Variants in NOC4L observed in about 807,000 individuals in gnomAD.
NOC4L encodes the protein nucleolar complex protein 4 homolog.
In NOC4L, 40 loss-of-function variants were observed where a neutral mutation model predicts 62.8. That is an observed-to-expected ratio of 0.64 (90% CI 0.49 to 0.83). NOC4L has a LOEUF of 0.83. Ranked by LOEUF, NOC4L falls within the 40% of genes least tolerant of loss-of-function variation. The probability of loss-of-function intolerance (pLI) is 0.00; values close to 1 mark genes in which losing one functional copy is unlikely to be tolerated. For synonymous variants in NOC4L, 433 were observed against 299.8 expected (o/e 1.44, Z -4.59); for missense variants, 927 against 701.9 (o/e 1.32, Z -3.62).
chr12:132,148,508 G>A (rs998065156), intron 7 of NOC4L, 101 bp from the exon 8 acceptor site: 9 of 1,286,928 alleles, frequency 7.0e-6, no homozygotes, highest in African/African-American at 2.9e-5. Flanking sequence ...TGGAGAGCAG[G>A]CTTGTGTTGG....
intron 1 of NOC4L, 27 bp downstream of exon 1, chr12:132,144,632 G>C (rs1273924015): frequency 9.5e-6 from 14 of 1,479,462 alleles, no homozygotes; most frequent in Non-Finnish European, 1.2e-5. Flanking sequence ...CGCAGGGCCG[G>C]AGTCGCGGCA....
Position 132,151,476 on chromosome 12 carries a change from C to T in NOC4L, c.1074-8C>T. ...CGGGCCCTGTCTCACAACCACTGCCCTGCCCAGCCACCTCCCCGCCTACCT... is the reference window on the plus strand; with the variant it reads ...CGGGCCCTGTCTCACAACCACTGCCTTGCCCAGCCACCTCCCCGCCTACCT... On this transcript the variant is annotated splice_region_variant and splice_polypyrimidine_tract_variant and intron_variant, in intron 11 of 14. Coordinates refer to ENST00000330579, the MANE Select transcript of NOC4L (RefSeq NM_024078.3). 5 of 1,600,866 alleles carry T rather than the reference C, an allele frequency of 3.1e-6. No homozygotes were observed. Among genetic ancestry groups the T allele is most frequent in the East Asian group, 2.2e-5 (1 of 44,844 alleles).
Position 132,151,786 on chromosome 12 carries a change from G to A in NOC4L, c.1283G>A (p.Ser428Asn). Residue 428 changes from serine (S) to asparagine (N), a missense_variant, in exon 13 of 15, where the codon AGC becomes AAC. Physicochemically the swap from Ser to Asn is conservative, Grantham distance 46 (BLOSUM62 1). Transcript: ENST00000330579. ...CCTGGAGAGGAGGACCCAGCCCAGA[G>A]CCGGGCCTTGGAGAGCTCCCTGTGG... ...YDPGEEDPAQSRALESSLWEL... is the reference protein window; with the variant it reads ...YDPGEEDPAQNRALESSLWEL... 13 of 1,612,292 alleles carry A rather than the reference G, an allele frequency of 8.1e-6. No homozygotes were observed. The highest frequency in any genetic ancestry group is 1.1e-5 in the South Asian group (1 of 91,078).
intron 2 of NOC4L, 108 bp downstream of exon 2, chr12:132,145,082 G>T: frequency 7.0e-7 from 1 of 1,424,382 alleles, no homozygotes; most frequent in Non-Finnish European, 9.3e-7. Context: ...CGTGCAGGCT[G>T]GTGGGAGGAC....
At position 132,151,816 on chromosome 12, in the gene NOC4L, T is replaced by C; in HGVS notation, c.1313T>C (p.Leu438Pro). The C allele has an allele frequency of 6.2e-7, 1 of 1,611,330 alleles. No individual in the cohort carries two copies. The highest frequency in any genetic ancestry group is 8.5e-7 in the Non-Finnish European group (1 of 1,179,384). ...SRALESSLWE[L>P]QALQRHYHPE... ...GCCTTGGAGAGCTCCCTGTGGGAGC[T>C]TCAGGTGAGGGCGCTGCTGCCACAC... The change falls in exon 13 of 15, where the codon CTT becomes CCT. Residue 438 changes from leucine to proline, a missense_variant. Coordinates refer to ENST00000330579, the MANE Select transcript of NOC4L (RefSeq NM_024078.3).
chr12:132,150,801 C>G (rs980036783), intron 9 of NOC4L, 180 bp from the exon 10 acceptor site: 10 of 610,626 alleles, frequency 1.6e-5, no homozygotes, highest in Non-Finnish European at 2.6e-5. Context: ...TCCCCGATCC[C>G]ACTGCCTCCA....
chr12:132,145,100 G>T (rs2136684489), intron 2 of NOC4L, 126 bp downstream of exon 2: 12 of 1,326,006 alleles, frequency 9.0e-6, no homozygotes, highest in Non-Finnish European at 5.0e-6. Context: ...GACGCACCAA[G>T]CCCACCGTGG....
chr12:132,148,198 A>G, intron 7 of NOC4L, 92 bp downstream of exon 7: 3 of 1,289,182 alleles, frequency 2.3e-6, no homozygotes, highest in South Asian at 1.3e-5. Context: ...CGCCTTCCTC[A>G]CCAGAGGAAA....
In NOC4L at chr12:132,151,658, C is replaced by T. The variant is rs753002801; in HGVS notation, c.1234+14C>T. The T allele has an allele frequency of 1.2e-6, 2 of 1,611,364 alleles. No individual in the cohort carries two copies. The highest frequency in any genetic ancestry group is 1.7e-6 in the Non-Finnish European group (2 of 1,179,200). ...CACACGGCCCTGGTGAGTTGCGGGG[C>T]CCTCGGAGGCTGGGCTGGAGCTGGG... On this transcript the variant is annotated intron_variant, in intron 12 of 14. Transcript: ENST00000330579.
chr12:132,152,383 G>A lies in NOC4L; in HGVS notation c.1533G>A (p.Gln511=). 1 of 1,580,238 alleles carries A rather than the reference G, an allele frequency of 6.3e-7. No homozygotes were observed. Among genetic ancestry groups the A allele is most frequent in the Non-Finnish European group, 8.6e-7 (1 of 1,162,008 alleles). ...GACGGCCGGGTGAACTCTGTGCCCA[G>A]CACTTCACGCTCAGCTGACCCTGGC... ...LLGRPGELCA[Q]HFTLS Residue 511 remains glutamine (Q), a synonymous_variant, in exon 15 of 15, where the codon CAG becomes CAA. Coordinates refer to ENST00000330579, the MANE Select transcript of NOC4L (RefSeq NM_024078.3).
rs1253635034 is a variant in NOC4L at position 132,147,685 on chromosome 12, C to T, written c.506C>T (p.Ser169Phe). 8 of 1,612,816 alleles carry T rather than the reference C, an allele frequency of 5.0e-6. No individual in the cohort carries two copies. The highest frequency in any genetic ancestry group is 1.3e-5 in the African/African-American group (1 of 74,910). ...GAGGAGGACCAGAGCCTGCTCCTGT[C>T]CCAGTTCCGGGAGTACCTGGACTAC... ...SPEEDQSLLL[S>F]QFREYLDYDD... Residue 169 changes from serine (S) to phenylalanine (F), a missense_variant, in exon 5 of 15, where the codon TCC becomes TTC. Physicochemically the swap from Ser to Phe is radical, Grantham distance 155. Transcript: ENST00000330579.
intron 3 of NOC4L, chr12:132,146,438 A>G (rs1436493548): frequency 4.5e-6 from 2 of 440,468 alleles, no homozygotes; most frequent in African/African-American, 4.0e-5. Flanking sequence ...GTTCGCGTAC[A>G]AACTCTTGTG....
rs374210467 is a variant in NOC4L, at chr12:132,151,623, G to A, written c.1213G>A (p.Val405Met). 6.6e-5 allele frequency: 107 copies of A among 1,611,706 alleles called. No individual in the cohort carries two copies. Among genetic ancestry groups the A allele is most frequent in the African/African-American group, 4.5e-4 (34 of 75,038 alleles). ...LRRHPACRVL[V>M]HRPHGPELDA... is the part of the protein sequence containing the mutation. ...CCGGCACCCTGCCTGCCGGGTCCTC[G>A]TGCACCGTCCACACGGCCCTGGTGA... Residue 405 changes from valine to methionine, a missense_variant, in exon 12 of 15, where the codon GTG (valine) becomes ATG (methionine). Transcript: ENST00000330579.
intron 3 of NOC4L, chr12:132,146,248 C>T (rs756574847): frequency 1.5e-5 from 7 of 455,920 alleles, no homozygotes; most frequent in Non-Finnish European, 2.6e-5. Flanking sequence ...AGACGCTCCT[C>T]ATAAGGGGGA....
rs752390595 is a variant in NOC4L, at chr12:132,151,542, A to G, written c.1132A>G (p.Thr378Ala). 14 of 1,608,752 alleles carry G rather than the reference A, an allele frequency of 8.7e-6. No homozygotes were observed. The highest frequency in any genetic ancestry group is 1.2e-5 in the Non-Finnish European group (14 of 1,179,120). Residue 378 changes from threonine to alanine, a missense_variant, in exon 12 of 15, where the codon ACG (threonine) becomes GCG (alanine). Coordinates refer to ENST00000330579, the MANE Select transcript of NOC4L (RefSeq NM_024078.3). ...FAKRLARLAL[T>A]APPEALLMVL... Reference sequence around the variant, plus strand: ...CAAGCGGCTGGCCCGCCTGGCCCTGACGGCTCCCCCTGAGGCCCTGCTCAT... The same window carrying G: ...CAAGCGGCTGGCCCGCCTGGCCCTGGCGGCTCCCCCTGAGGCCCTGCTCAT...
intron 8 of NOC4L, 49 bp from the exon 9 acceptor site, chr12:132,148,735 C>CCCCCGGGGGGGG: frequency 7.6e-7 from 1 of 1,309,286 alleles, no homozygotes; most frequent in Non-Finnish European, 1.0e-6. Flanking sequence ...CCCGACCCGC[C>CCCCCGGGGGGGG]GGCCCCCGCC....
chr12:132,148,735 C>CCG, intron 8 of NOC4L, 49 bp from the exon 9 acceptor site: 10 of 1,309,264 alleles, frequency 7.6e-6, no homozygotes, highest in African/African-American at 1.6e-5. Flanking sequence ...CCCGACCCGC[C>CCG]GGCCCCCGCC....
Position 132,148,793 on chromosome 12 carries a change from A to G in NOC4L, c.799A>G (p.Ser267Gly), listed in dbSNP as rs752657940. 1.4e-6 allele frequency: 2 copies of G among 1,418,566 alleles called. No homozygotes were observed. Among genetic ancestry groups the G allele is most frequent in the East Asian group, 3.0e-5 (1 of 33,374 alleles). The allele number at this position is 1,418,566 out of a possible 1,614,324, so 87.9% of individuals were successfully genotyped here. Residue 267 changes from serine (S) to glycine (G), a missense_variant, in exon 9 of 15, where the codon AGC becomes GGC. By Grantham distance (56) the Ser-to-Gly change is moderately conservative. Transcript: ENST00000330579. ...GCCGGCCCCCGCCCAGCTGCCCCTC[A>G]GCCTCTACAAGAAGGTGCTGCTGAT... ...LSFLKHKLPL[S>G]LYKKVLLIVH...
In NOC4L at chr12:132,152,313, C is replaced by T. The variant is rs117703883; in HGVS notation, c.1463C>T (p.Pro488Leu). ...GAGCGGGACCTGAAGAAGAAGGGGC[C>T]CGAGCCGGTGCCACTGGAGTTTATC... ...IFERDLKKKG[P>L]EPVPLEFIPA... Residue 488 changes from proline to leucine, a missense_variant, in exon 15 of 15, where the codon CCC becomes CTC. By Grantham distance (98) the Pro-to-Leu change is moderately conservative. Coordinates refer to ENST00000330579, the MANE Select transcript of NOC4L (RefSeq NM_024078.3). 28 of 1,559,906 alleles carry T rather than the reference C, an allele frequency of 1.8e-5. No homozygotes were observed. In the East Asian group the frequency reaches 6.3e-4, roughly 35 times the overall value.
Sources: gnomAD v4.1 joint callset for allele counts on GRCh38, gnomAD v4.1.1 for gene constraint, MANE v1.5 for transcripts, NCBI Gene and HGNC (gene_info 2026-07-23, HGNC 2026-07-21) for gene names.